Variants in FAM221A observed in about 807,000 individuals in gnomAD.
The protein encoded by FAM221A is protein FAM221A.
Under a neutral mutation model 37.6 loss-of-function variants are expected in FAM221A, and 43 were observed. The observed-to-expected ratio is 1.15, with a 90% CI of 0.90 to 1.48. The LOEUF (loss-of-function observed/expected upper bound fraction) is 1.48, where lower values mean the gene tolerates loss of function less well. Ranked by LOEUF, FAM221A falls within the 40% of genes most tolerant of loss-of-function variation. The probability of loss-of-function intolerance (pLI) is 0.00; values close to 1 mark genes in which losing one functional copy is unlikely to be tolerated. For missense variants in FAM221A, 361 were observed against 361.5 expected (o/e 1.00, Z 0.01); for synonymous variants, 135 against 132.9 (o/e 1.02, Z -0.11).
intron 4 of FAM221A, chr7:23,693,559 AT>A (rs1196965629): frequency 1.1e-4 from 16 of 139,268 alleles, no homozygotes; most frequent in Non-Finnish European, 2.4e-4. Context: ...TTTTGCAAAC[AT>A]TTTCTCCCAA....
At chr7:23,702,729 C>T (rs1223390107), downstream of FAM221A, 3 of 152,032 alleles carry the variant, frequency 2.0e-5, no homozygotes, top group Non-Finnish European at 4.4e-5. Flanking sequence ...GTTGTGTTGT[C>T]AACCACCCAT....
intron 5 of FAM221A, among the ~76,000 whole-genome samples, chr7:23,699,724 T>C (rs1340900668): frequency 1.3e-5 from 2 of 151,746 alleles, no homozygotes; most frequent in Non-Finnish European, 2.9e-5. Flanking sequence ...GAATTTTTTG[T>C]AGAGACAGGG....
At chr7:23,696,183 T>C (rs538086227) in intron 4 of FAM221A, among the ~76,000 whole-genome samples, 1 of 152,356 alleles carries the variant, frequency 6.6e-6, no homozygotes, top group South Asian at 2.1e-4. Context: ...CTGAATGCTG[T>C]AGACAATTGT....
chr7:23,684,444 C>T, intron 1 of FAM221A, 55 bp from the exon 2 acceptor site: 1 of 1,345,088 alleles, frequency 7.4e-7, no homozygotes, highest in South Asian at 1.4e-5. Context: ...CTGGTCATAG[C>T]TCACCCAGAA....
At chr7:23,699,889 T>C (rs1785300011) in intron 5 of FAM221A, among the ~76,000 whole-genome samples, 1 of 152,062 alleles carries the variant, frequency 6.6e-6, no homozygotes, top group African/African-American at 2.4e-5. Flanking sequence ...ACTAGATAAA[T>C]GGTAATATGC....
intron 3 of FAM221A, among the ~76,000 whole-genome samples, chr7:23,689,786 G>T (rs1424596267): frequency 6.6e-6 from 1 of 152,132 alleles, no homozygotes; most frequent in Non-Finnish European, 1.5e-5. Flanking sequence ...GAATATGGGA[G>T]TTGAATCAAC....
At position 23,691,471 on chromosome 7, in the gene FAM221A, C is replaced by G; in HGVS notation, c.512C>G (p.Thr171Ser). 3 of 1,614,186 alleles carry G rather than the reference C, an allele frequency of 1.9e-6. No homozygotes were observed. Among genetic ancestry groups the G allele is most frequent in the Non-Finnish European group, 2.5e-6 (3 of 1,180,032 alleles). ...PAYAHDTVVETKQERLAQEKP... is the reference protein window; with the variant it reads ...PAYAHDTVVESKQERLAQEKP... Reference sequence around the variant, plus strand: ...TATGCCCATGACACAGTAGTGGAAACTAAGCAAGAAAGATTGGCTCAGGAA... The same window carrying G: ...TATGCCCATGACACAGTAGTGGAAAGTAAGCAAGAAAGATTGGCTCAGGAA... Residue 171 changes from threonine (T) to serine (S), a missense_variant, in exon 4 of 7, where the codon ACT becomes AGT. Thr to Ser is a moderately conservative substitution (Grantham distance 58). Transcript: ENST00000344962.
chr7:23,684,589 CAG>C lies in FAM221A; in HGVS notation c.158_159del (p.Arg53IlefsTer14), dbSNP rs754072871. ...RKVLPLRLQN[R>X]LFVSWRSPTG... ...AAGTTTTACCTCTGCGCTTACAAAA[CAG>C]ATTATTTGTGAGCTGGCGGTCACCA... On this transcript the variant is annotated frameshift_variant, in exon 2 of 7. Transcript: ENST00000344962. LOFTEE classifies it high-confidence loss of function. 8.1e-6 allele frequency: 13 copies of C among 1,613,914 alleles called. No individual in the cohort carries two copies. Among genetic ancestry groups the C allele is most frequent in the Admixed American group, 3.3e-5 (2 of 60,000 alleles).
intron 4 of FAM221A, among the ~76,000 whole-genome samples, chr7:23,691,823 T>A (rs952854968): frequency 6.6e-6 from 1 of 152,216 alleles, no homozygotes; most frequent in Non-Finnish European, 1.5e-5. Flanking sequence ...CTATACAATG[T>A]ATTGTCATTA....
chr7:23,689,524 G>T, intron 3 of FAM221A, 65 bp downstream of exon 3: 1 of 1,256,660 alleles, frequency 8.0e-7, no homozygotes. Context: ...AATATTTAAC[G>T]TGCTTTTTTA....
chr7:23,700,974 TCTTTA>T (rs1785391072), intron 6 of FAM221A, 106 bp downstream of exon 6: 2 of 789,754 alleles, frequency 2.5e-6, no homozygotes, highest in Non-Finnish European at 4.1e-6. Flanking sequence ...ATTTATAAAG[TCTTTA>T]CTTACAGTTG....
At chr7:23,685,246 TCAAAA>T in intron 2 of FAM221A, among the ~76,000 whole-genome samples, 1 of 140,036 alleles carries the variant, frequency 7.1e-6, no homozygotes, top group Admixed American at 7.4e-5. Context: ...AGACTCTGTC[TCAAAA>T]CAAAGCAAAA....
Position 23,691,585 on chromosome 7 carries a change from A to G in FAM221A, c.626A>G (p.Asp209Gly), listed in dbSNP as rs1784754243. Residue 209 changes from aspartate (D) to glycine (G), a missense_variant, in exon 4 of 7, where the codon GAC becomes GGC. Coordinates refer to ENST00000344962, the MANE Select transcript of FAM221A (RefSeq NM_199136.5). Reference protein sequence around the residue: ...SLAEGYMRLDDSGIGVPSVEF... With the variant: ...SLAEGYMRLDGSGIGVPSVEF... Reference sequence around the variant, plus strand: ...GCGGAAGGCTACATGCGGTTAGATGACAGTGGGATTGGTAAGTGATACTAT... The same window carrying G: ...GCGGAAGGCTACATGCGGTTAGATGGCAGTGGGATTGGTAAGTGATACTAT... The G allele has an allele frequency of 1.9e-6, 3 of 1,613,884 alleles. No homozygotes were observed. The highest frequency in any genetic ancestry group is 2.5e-6 in the Non-Finnish European group (3 of 1,179,918).
chr7:23,695,224 AC>A (rs1784981138), intron 4 of FAM221A, among the ~76,000 whole-genome samples: 1 of 152,066 alleles, frequency 6.6e-6, no homozygotes, highest in Admixed American at 6.6e-5. Flanking sequence ...TAATCCTCCC[AC>A]CTCAGACTCC....
At chr7:23,691,362 A>G (rs1381887139) in intron 3 of FAM221A, 28 bp from the exon 4 acceptor site, 2 of 1,610,644 alleles carry the variant, frequency 1.2e-6, no homozygotes, top group South Asian at 2.2e-5. Flanking sequence ...ACCTTTAAGA[A>G]TTTAACTCCC....
At chr7:23,695,028 A>G (rs1038667141) in intron 4 of FAM221A, 4 of 152,172 alleles carry the variant, frequency 2.6e-5, no homozygotes, top group African/African-American at 9.7e-5. Context: ...GGACTGCGGT[A>G]GTATGATTAT....
At chr7:23,687,525 T>C (rs972411410) in intron 2 of FAM221A, 3 of 152,192 alleles carry the variant, frequency 2.0e-5, no homozygotes, top group African/African-American at 7.2e-5. Flanking sequence ...GCTTTTTCTA[T>C]ATATGGAATT....
intron 1 of FAM221A, among the ~76,000 whole-genome samples, chr7:23,682,709 G>A (rs763727861): frequency 2.0e-5 from 3 of 152,128 alleles, no homozygotes; most frequent in Admixed American, 6.5e-5. Flanking sequence ...ACAGGCATGA[G>A]CCACTGTGCT....
chr7:23,702,872 T>G (rs1039852124), downstream of FAM221A: 4 of 152,302 alleles, frequency 2.6e-5, no homozygotes, highest in African/African-American at 9.7e-5. Flanking sequence ...GCACCTTGTC[T>G]TGGGCGCATG....
Sources: allele counts gnomAD v4.1 joint callset (sites outside exome capture counted in the v4.1 genomes callset), GRCh38; gene constraint gnomAD v4.1.1; transcripts MANE v1.5; gene names NCBI Gene and HGNC (gene_info 2026-07-23, HGNC 2026-07-21).